The following PTPRK variants were observed in gnomAD, a reference collection of about 807,000 sequenced individuals.
The protein encoded by PTPRK is receptor-type tyrosine-protein phosphatase kappa.
Under a neutral mutation model 178.0 loss-of-function variants are expected in PTPRK, and 75 were observed. That is an observed-to-expected ratio of 0.42 (90% CI 0.35 to 0.51). The LOEUF is 0.51. PTPRK is among the 20% of genes least tolerant of loss of function. The probability of loss-of-function intolerance (pLI) is 0.02; values close to 1 mark genes in which losing one functional copy is unlikely to be tolerated. For missense variants in PTPRK, 1,441 were observed against 1,797.8 expected, an observed-to-expected ratio of 0.80 and a Z score of 3.59; for synonymous variants, 637 against 620.6, an observed-to-expected ratio of 1.03 and a Z score of -0.39.
intron 1 of PTPRK, among the ~76,000 whole-genome samples, chr6:128,454,074 C>A (rs1448003445): frequency 6.6e-6 from 1 of 152,166 alleles, no homozygotes; most frequent in African/African-American, 2.4e-5. Flanking sequence ...CAGCAACGGT[C>A]TTCAGCGAAG....
At chr6:128,464,877 G>T (rs1049932083) in intron 1 of PTPRK, among the ~76,000 whole-genome samples, 25 of 150,096 alleles carry the variant, frequency 1.7e-4, no homozygotes, top group African/African-American at 6.1e-4. Flanking sequence ...AAACACTGCA[G>T]GTCTACAGGA....
chr6:128,088,030 G>A (rs1786241200), intron 8 of PTPRK, among the ~76,000 whole-genome samples: 1 of 152,128 alleles, frequency 6.6e-6, no homozygotes, highest in Non-Finnish European at 1.5e-5. Context: ...AGAACTTAAG[G>A]GAACTTGGGA....
intron 3 of PTPRK, among the ~76,000 whole-genome samples, chr6:128,284,361 C>T (rs1291901570): frequency 6.6e-6 from 1 of 152,154 alleles, no homozygotes; most frequent in Non-Finnish European, 1.5e-5. Context: ...CCCCAGCCAC[C>T]CTTCACAATC....
chr6:128,127,599 C>T (rs1793588200), intron 7 of PTPRK, among the ~76,000 whole-genome samples: 1 of 152,190 alleles, frequency 6.6e-6, no homozygotes, highest in Admixed American at 6.5e-5. Flanking sequence ...AACAAGCTCA[C>T]TTTCTTGATG....
intron 15 of PTPRK, among the ~76,000 whole-genome samples, chr6:127,999,334 T>C (rs181001550): frequency 5.3e-5 from 8 of 152,052 alleles, no homozygotes. Flanking sequence ...ATACCCGATC[T>C]AGGTGACCCA....
intron 1 of PTPRK, among the ~76,000 whole-genome samples, chr6:128,486,801 A>AAAGG (rs1169563818): frequency 1.4e-4 from 21 of 151,452 alleles, no homozygotes; most frequent in Non-Finnish European, 2.4e-4. Context: ...AGAAAGACAG[A>AAAGG]AAGGAAGGAA....
intron 1 of PTPRK, among the ~76,000 whole-genome samples, chr6:128,425,500 A>G (rs966045168): frequency 2.6e-5 from 4 of 152,266 alleles, no homozygotes; most frequent in Admixed American, 2.6e-4. Flanking sequence ...ATCAGAACAT[A>G]TGATGTTTTG....
chr6:127,998,628 C>A (rs1777454374), intron 16 of PTPRK, 92 bp downstream of exon 16: 3 of 1,050,042 alleles, frequency 2.9e-6, no homozygotes, highest in Middle Eastern at 3.1e-4. Context: ...CAATCCCCTC[C>A]TTGTTGTGTT....
chr6:127,976,516 C>T, intron 27 of PTPRK, 141 bp downstream of exon 27: 2 of 1,031,872 alleles, frequency 1.9e-6, no homozygotes, highest in Non-Finnish European at 2.8e-6. Context: ...AGTACTAAGG[C>T]ATAAGATGGT....
chr6:128,325,362 G>T (rs1328798481), intron 2 of PTPRK, among the ~76,000 whole-genome samples: 1 of 151,966 alleles, frequency 6.6e-6, no homozygotes, highest in Non-Finnish European at 1.5e-5. Flanking sequence ...CACAGCAAAA[G>T]AAACTACCAT....
At chr6:128,125,546 G>T (rs1357014010) in intron 7 of PTPRK, among the ~76,000 whole-genome samples, 1 of 147,992 alleles carries the variant, frequency 6.8e-6, no homozygotes, top group Admixed American at 6.7e-5. Flanking sequence ...ACCCAGTCTT[G>T]AGTGTTTCTT....
At chr6:128,112,204 G>T (rs1207130656) in intron 7 of PTPRK, among the ~76,000 whole-genome samples, 4 of 151,986 alleles carry the variant, frequency 2.6e-5, no homozygotes, top group African/African-American at 4.8e-5. Context: ...CATTCTTAAT[G>T]TGTATTTTAT....
chr6:128,503,965 TG>T (rs1257813331), intron 1 of PTPRK, among the ~76,000 whole-genome samples: 1 of 151,990 alleles, frequency 6.6e-6, no homozygotes, highest in Non-Finnish European at 1.5e-5. Flanking sequence ...CACAAATCAA[TG>T]GTTCCCGCCC....
At chr6:128,136,275 T>C (rs1182026619) in intron 7 of PTPRK, among the ~76,000 whole-genome samples, 1 of 152,196 alleles carries the variant, frequency 6.6e-6, no homozygotes, top group African/African-American at 2.4e-5. Flanking sequence ...TATGGCATCC[T>C]AGGCAGACAA....
At chr6:128,449,503 G>A (rs1237671503) in intron 1 of PTPRK, among the ~76,000 whole-genome samples, 2 of 151,924 alleles carry the variant, frequency 1.3e-5, no homozygotes, top group Non-Finnish European at 2.9e-5. Flanking sequence ...CTCCAAAACG[G>A]AAACCTGGAT....
intron 13 of PTPRK, among the ~76,000 whole-genome samples, chr6:128,063,979 G>A (rs1781318549): frequency 2.6e-5 from 4 of 152,224 alleles, no homozygotes; most frequent in African/African-American, 9.6e-5. Context: ...ACCACCCCAA[G>A]AACCAACCCT....
chr6:128,126,487 T>C (rs1427269003), intron 7 of PTPRK, among the ~76,000 whole-genome samples: 2 of 152,070 alleles, frequency 1.3e-5, no homozygotes, highest in African/African-American at 2.4e-5. Flanking sequence ...AATAAGTGTT[T>C]TTGTTTTTGT....
At chr6:128,190,817 C>CTAAT (rs952495591) in intron 6 of PTPRK, among the ~76,000 whole-genome samples, 1 of 152,052 alleles carries the variant, frequency 6.6e-6, no homozygotes, top group Non-Finnish European at 1.5e-5. Flanking sequence ...TTTTTCAAAT[C>CTAAT]ATATTACTCA....
chr6:128,259,451 T>C (rs1421108148), intron 3 of PTPRK, among the ~76,000 whole-genome samples: 3 of 152,144 alleles, frequency 2.0e-5, no homozygotes, highest in Non-Finnish European at 4.4e-5. Flanking sequence ...ATATCAAGTT[T>C]AATATGCACA....
Sources: gnomAD v4.1 joint callset for allele counts (sites outside exome capture counted in the v4.1 genomes callset) on GRCh38, gnomAD v4.1.1 for gene constraint, MANE v1.5 for transcripts, NCBI Gene and HGNC (gene_info 2026-07-23, HGNC 2026-07-21) for gene names.